The following CDK12 variants were observed in gnomAD, a reference collection of about 807,000 sequenced individuals.
The protein encoded by CDK12 is cyclin-dependent kinase 12.
Under a neutral mutation model 133.8 loss-of-function variants are expected in CDK12, and 17 were observed. That is an observed-to-expected ratio of 0.13 (90% CI 0.09 to 0.19). The LOEUF is 0.19. Ranked by LOEUF, CDK12 falls within the 10% of genes least tolerant of loss-of-function variation. CDK12 has a pLI of 1.00. For synonymous variants in CDK12, 694 were observed against 683.6 expected (o/e 1.02, Z -0.24); for missense variants, 1,508 against 1,818.7 (o/e 0.83, Z 3.11).
chr17:39,563,773 G>A (rs1257893500), intron 3 of CDK12, among the ~76,000 whole-genome samples: 1 of 151,662 alleles, frequency 6.6e-6, no homozygotes, highest in African/African-American at 2.4e-5. Context: ...GAGGAAGGGA[G>A]AGGGAGAGTG....
intron 8 of CDK12, among the ~76,000 whole-genome samples, chr17:39,512,686 TATATC>T (rs1419606245): frequency 2.0e-5 from 3 of 152,230 alleles, no homozygotes; most frequent in African/African-American, 7.2e-5. Flanking sequence ...ACATTCTAAT[TATATC>T]ATTTCTTATT....
At chr17:39,487,400 T>C (rs72827106) in intron 2 of CDK12, among the ~76,000 whole-genome samples, 6,627 of 152,270 alleles carry the variant, frequency 0.044, 170 homozygotes, top group Non-Finnish European at 0.065. Flanking sequence ...CTAGGAAATA[T>C]TCATGCAAAG....
intron 8 of CDK12, among the ~76,000 whole-genome samples, chr17:39,512,318 G>C (rs1453161241): frequency 1.3e-5 from 2 of 152,154 alleles, no homozygotes; most frequent in African/African-American, 4.8e-5. Flanking sequence ...ACCCACCCAG[G>C]GTCAGGGTAG....
chr17:39,561,207 C>T (rs1413184601), intron 3 of CDK12, among the ~76,000 whole-genome samples: 4 of 152,142 alleles, frequency 2.6e-5, no homozygotes, highest in African/African-American at 7.2e-5. Flanking sequence ...TATTAAGGTC[C>T]TCTTTGGAAA....
Position 39,509,767 on chromosome 17 carries a change from G to A in CDK12, c.2666+6G>A. 2 of 1,600,034 alleles carry A rather than the reference G, an allele frequency of 1.2e-6. No homozygotes were observed. Among genetic ancestry groups the A allele is most frequent in the South Asian group, 1.1e-5 (1 of 90,708 alleles). On this transcript the variant is annotated splice_donor_region_variant and intron_variant, in intron 7 of 13. Coordinates refer to ENST00000447079, the MANE Select transcript of CDK12 (RefSeq NM_016507.4). ...CTCTATAACTCTGAAGAGAGGTAAG[G>A]CATTAATTAAAATTACATGTGGGAA...
intron 8 of CDK12, among the ~76,000 whole-genome samples, chr17:39,513,031 A>C (rs1303512105): frequency 6.6e-6 from 1 of 152,216 alleles, no homozygotes; most frequent in Admixed American, 6.6e-5. Context: ...GTAGTGTTAC[A>C]GTAGAAAACA....
intron 2 of CDK12, chr17:39,551,143 G>A (rs2055938820): frequency 6.6e-6 from 1 of 152,184 alleles, no homozygotes; most frequent in Non-Finnish European, 1.5e-5. Flanking sequence ...AAAAGGAAAG[G>A]TAGGTAGGTG....
At chr17:39,557,126 G>A (rs943893593) in intron 3 of CDK12, 3 of 152,246 alleles carry the variant, frequency 2.0e-5, no homozygotes, top group Admixed American at 2.0e-4. Context: ...ATGTCTGAGA[G>A]AGAGGTAGCT....
intron 3 of CDK12, among the ~76,000 whole-genome samples, chr17:39,563,503 G>A (rs1298263500): frequency 8.7e-6 from 1 of 115,344 alleles, no homozygotes; most frequent in Non-Finnish European, 1.6e-5. Flanking sequence ...GAAAAACTTG[G>A]TATCTGTGCC....
intron 13 of CDK12, among the ~76,000 whole-genome samples, chr17:39,528,957 T>A (rs2054656651): frequency 6.6e-6 from 1 of 152,332 alleles, no homozygotes; most frequent in Non-Finnish European, 1.5e-5. Context: ...TTACTTGTAG[T>A]CCAGTTTGCC....
intron 5 of CDK12, 144 bp from the exon 6 acceptor site, chr17:39,501,106 G>A (rs1284923781): frequency 7.3e-6 from 4 of 545,316 alleles, no homozygotes; most frequent in East Asian, 3.1e-5. Context: ...ACTACTCTTC[G>A]TTTCAGTTTC....
chr17:39,476,714 T>A lies in CDK12; in HGVS notation c.1931+4951T>A, dbSNP rs962499064. 1.5e-3 allele frequency among the ~76,000 whole-genome samples: 139 copies of A among 95,570 alleles called. 22 individuals carry two copies. The highest frequency in any genetic ancestry group is 4.6e-3 in the African/African-American group (100 of 21,768). The allele number at this position is 95,570 out of a possible 152,430, so 62.7% of individuals were successfully genotyped here. A position where few individuals can be genotyped will look rare whatever the true frequency, so the allele number is the denominator to read the frequency against. ...AGGCATGAGCCACCATGCCTGCCTTTTTTTTTTTTTTTTTTTTTTTTTTTT... is the reference window on the plus strand; with the variant it reads ...AGGCATGAGCCACCATGCCTGCCTTATTTTTTTTTTTTTTTTTTTTTTTTT... On this transcript the variant is annotated intron_variant, in intron 2 of 13. Coordinates refer to ENST00000447079, the MANE Select transcript of CDK12 (RefSeq NM_016507.4).
chr17:39,541,728 G>T (rs1376597015), intron 1 of CDK12, among the ~76,000 whole-genome samples: 1 of 152,186 alleles, frequency 6.6e-6, no homozygotes, highest in Non-Finnish European at 1.5e-5. Context: ...CAAGGGAAAG[G>T]TAGGCATCTA....
At chr17:39,484,476 C>T (rs1391447194) in intron 2 of CDK12, among the ~76,000 whole-genome samples, 1 of 152,108 alleles carries the variant, frequency 6.6e-6, no homozygotes, top group Non-Finnish European at 1.5e-5. Flanking sequence ...CTTTATAATA[C>T]TGAGTGTCCT....
At chr17:39,565,062 C>G (rs922629824), downstream of CDK12, among the ~76,000 whole-genome samples, 2 of 152,194 alleles carry the variant, frequency 1.3e-5, no homozygotes, top group Admixed American at 1.3e-4. Flanking sequence ...CTTCCCTGCC[C>G]CTGCTTCCTG....
In CDK12 at chr17:39,462,091, A is replaced by G. The variant is rs769992254; in HGVS notation, c.20A>G (p.His7Arg). 4 of 1,613,908 alleles carry G rather than the reference A, an allele frequency of 2.5e-6. No homozygotes were observed. The highest frequency in any genetic ancestry group is 3.4e-6 in the Non-Finnish European group (4 of 1,179,854). Residue 7 changes from histidine (H) to arginine (R), a missense_variant, in exon 1 of 14, where the codon CAT becomes CGT. Transcript: ENST00000447079. MPNSER[H>R]GGKKDGSGGA... ...AAGGGAATGCCCAATTCAGAGAGAC[A>G]TGGGGGCAAGAAGGACGGGAGTGGA...
At chr17:39,511,149 A>C (rs2053479678) in intron 7 of CDK12, among the ~76,000 whole-genome samples, 2 of 141,498 alleles carry the variant, frequency 1.4e-5, no homozygotes, top group Non-Finnish European at 3.0e-5. Context: ...TGGGAGGCGG[A>C]GCTTGCAATG....
chr17:39,538,826 G>A (rs1322217325), downstream of CDK12, among the ~76,000 whole-genome samples: 1 of 152,136 alleles, frequency 6.6e-6, no homozygotes, highest in African/African-American at 2.4e-5. Context: ...TTGAACCCAG[G>A]AGGTGGAGGT....
Position 39,505,675 on chromosome 17 carries a change from G to A in CDK12, c.2610-4030G>A, listed in dbSNP as rs546399885. 3.9e-5 allele frequency among the ~76,000 whole-genome samples: 6 copies of A among 152,298 alleles called. No individual in the cohort carries two copies. In the East Asian group the frequency reaches 7.7e-4, roughly 20 times the overall value. ...ACATGCTTTTTATGTACCATTGACC[G>A]TTGAACAACGCAGGTTTGAACTGTG... On this transcript the variant is annotated intron_variant, in intron 6 of 13. Coordinates refer to ENST00000447079, the MANE Select transcript of CDK12 (RefSeq NM_016507.4).
Sources: gnomAD v4.1 joint callset for allele counts (sites outside exome capture counted in the v4.1 genomes callset) on GRCh38, gnomAD v4.1.1 for gene constraint, MANE v1.5 for transcripts, NCBI Gene and HGNC (gene_info 2026-07-23, HGNC 2026-07-21) for gene names.